HELZ: variants seen among roughly 807,000 people sequenced by gnomAD.
HELZ encodes ATP-dependent RNA helicase with zinc finger domain.
In HELZ, 23 loss-of-function variants were observed where a neutral mutation model predicts 218.2. The observed-to-expected ratio is 0.11, with a 90% CI of 0.08 to 0.15. The LOEUF is 0.15. Ranked by LOEUF, HELZ falls within the 10% of genes least tolerant of loss-of-function variation. The probability of loss-of-function intolerance (pLI) is 1.00; values close to 1 mark genes in which losing one functional copy is unlikely to be tolerated. For missense variants in HELZ, 1,813 were observed against 2,353.7 expected (o/e 0.77, Z 4.75); for synonymous variants, 814 against 829.4 (o/e 0.98, Z 0.32).
rs533380543 is a variant in HELZ, at chr17:67,242,697, T to C, written c.-76+1087A>G. On this transcript the variant is annotated intron_variant, in intron 2 of 32. Coordinates refer to ENST00000358691, the MANE Select transcript of HELZ (RefSeq NM_014877.4). Reference sequence around the variant, plus strand: ...TGCTCTGCCAAAAATAAAAATTATATGAAATAAACATAAGCACTGCTGAGT... The same window carrying C: ...TGCTCTGCCAAAAATAAAAATTATACGAAATAAACATAAGCACTGCTGAGT... 7.6e-4 allele frequency among the ~76,000 whole-genome samples: 115 copies of C among 152,070 alleles called. 2 individuals are homozygous for C. The highest frequency in any genetic ancestry group is 2.6e-3 in the African/African-American group (107 of 41,506).
chr17:67,242,545 CACACATATATGT>C (rs2143529982), intron 2 of HELZ, among the ~76,000 whole-genome samples: 2 of 131,490 alleles, frequency 1.5e-5, no homozygotes, highest in South Asian at 5.1e-4. Flanking sequence ...TGTATATATA[CACACATATATGT>C]ATATATACAC....
chr17:67,086,980 C>T lies in HELZ; in HGVS notation c.5343G>A (p.Leu1781=), dbSNP rs1419122039. Residue 1781 remains leucine (L), a synonymous_variant, in exon 32 of 33, where the codon CTG becomes CTA. Transcript: ENST00000358691. ...GGTCCTGAAGCTCTTTACACTGAGC[C>T]AGACTGTCTTGAGGAGTGCTTACTT... ...SEEVSTPQDS[L]AQCKELQDHS... 2 of 1,613,926 alleles carry T rather than the reference C, an allele frequency of 1.2e-6. No homozygotes were observed. Among genetic ancestry groups the T allele is most frequent in the Non-Finnish European group, 8.5e-7 (1 of 1,179,996 alleles).
chr17:67,204,616 C>T (rs893651643), intron 5 of HELZ, among the ~76,000 whole-genome samples: 2 of 152,018 alleles, frequency 1.3e-5, no homozygotes, highest in Admixed American at 6.6e-5. Context: ...AAAAATAATG[C>T]CATAATAAAA....
chr17:67,245,466 C>T (rs1448258380), upstream of HELZ: 4 of 985,660 alleles, frequency 4.1e-6, no homozygotes, highest in African/African-American at 7.0e-5. Flanking sequence ...GTCCTCTCGC[C>T]TCGCCGCGTT....
intron 17 of HELZ, among the ~76,000 whole-genome samples, chr17:67,151,820 T>C (rs765975594): frequency 4.6e-5 from 7 of 152,166 alleles, no homozygotes; most frequent in Middle Eastern, 3.2e-3. Context: ...AGAAAAATAT[T>C]AATAGGCCTC....
chr17:67,092,324 G>T (rs1049819728), intron 31 of HELZ, among the ~76,000 whole-genome samples: 1 of 152,120 alleles, frequency 6.6e-6, no homozygotes, highest in Non-Finnish European at 1.5e-5. Flanking sequence ...GAAGAAGAAT[G>T]AAATTATAGC....
intron 17 of HELZ, among the ~76,000 whole-genome samples, chr17:67,152,555 T>C (rs1366605838): frequency 6.6e-6 from 1 of 152,004 alleles, no homozygotes; most frequent in Non-Finnish European, 1.5e-5. Flanking sequence ...TGATGGCGTT[T>C]GCAAAGGTGG....
At chr17:67,164,505 C>T (rs1029412192) in intron 15 of HELZ, among the ~76,000 whole-genome samples, 4 of 151,910 alleles carry the variant, frequency 2.6e-5, no homozygotes, top group African/African-American at 9.7e-5. Context: ...TTCTGCAAGA[C>T]GAAAAAGTTC....
intron 7 of HELZ, among the ~76,000 whole-genome samples, chr17:67,197,889 A>C (rs1398200994): frequency 1.3e-5 from 2 of 152,214 alleles, no homozygotes; most frequent in East Asian, 1.9e-4. Flanking sequence ...TTCTTTTTGT[A>C]AAACGAAGGG....
chr17:67,104,956 T>C (rs1598225318), intron 31 of HELZ, among the ~76,000 whole-genome samples: 2 of 152,038 alleles, frequency 1.3e-5, no homozygotes, highest in South Asian at 4.2e-4. Flanking sequence ...CCGTCTCTAC[T>C]AAAAATACAA....
chr17:67,120,366 A>C, intron 27 of HELZ, 39 bp downstream of exon 27: 1 of 1,514,416 alleles, frequency 6.6e-7, no homozygotes, highest in Middle Eastern at 1.7e-4. Flanking sequence ...TTTACCTGTC[A>C]TCAGTTTATG....
At chr17:67,150,097 A>T in intron 18 of HELZ, 112 bp from the exon 19 acceptor site, 2 of 548,924 alleles carry the variant, frequency 3.6e-6, no homozygotes, top group Non-Finnish European at 3.3e-6. Context: ...CTAATCTAAG[A>T]GTATTGAGTA....
chr17:67,159,565 T>G (rs1308111141), intron 17 of HELZ, among the ~76,000 whole-genome samples: 1 of 152,198 alleles, frequency 6.6e-6, no homozygotes, highest in Non-Finnish European at 1.5e-5. Context: ...AAACTAAACA[T>G]TAATTCATAT....
At chr17:67,189,251 A>G (rs1176874858) in intron 11 of HELZ, among the ~76,000 whole-genome samples, 3 of 152,166 alleles carry the variant, frequency 2.0e-5, no homozygotes, top group Non-Finnish European at 4.4e-5. Flanking sequence ...AAAATCTTAG[A>G]ACTACTAGAA....
intron 31 of HELZ, among the ~76,000 whole-genome samples, chr17:67,095,265 G>A (rs943399880): frequency 6.6e-6 from 1 of 152,146 alleles, no homozygotes; most frequent in African/African-American, 2.4e-5. Flanking sequence ...GGGCTCAGTG[G>A]TTCACGCCTG....
chr17:67,165,156 T>C (rs2039104422), intron 15 of HELZ, among the ~76,000 whole-genome samples: 1 of 152,110 alleles, frequency 6.6e-6, no homozygotes, highest in African/African-American at 2.4e-5. Flanking sequence ...ACAGAGTGAA[T>C]AAGAAAGAAT....
rs1186001356 is a variant in HELZ, at chr17:67,070,899, A to G, written c.*7353T>C. ...AGCTTCCCTCAGGAAGACTTCCCAA[A>G]ATAAGACTCAGTATGAATTTGCTAA... On this transcript the variant is annotated 3_prime_UTR_variant, in exon 33 of 33. Transcript: ENST00000358691. 6.6e-6 allele frequency: 1 copy of G among 152,236 alleles called. No homozygotes were observed. The highest frequency in any genetic ancestry group is 1.5e-5 in the Non-Finnish European group (1 of 68,038). The allele number at this position is 152,236 out of a possible 1,614,324, so 9.4% of individuals were successfully genotyped here. A position where few individuals can be genotyped will look rare whatever the true frequency, so the allele number is the denominator to read the frequency against.
At position 67,089,847 on chromosome 17, in the gene HELZ, A is replaced by C. The variant is rs555764213; in HGVS notation, c.5242-2766T>G. Among the ~76,000 whole-genome samples the C allele has an allele frequency of 1.3e-5, 2 of 151,412 alleles. 1 individual carries two copies. Among genetic ancestry groups the C allele is most frequent in the South Asian group, 4.2e-4 (2 of 4,778 alleles). ...TTCCTTGGGCTTTTTCTATACTGACAACCATGTCATCTGTGAATGGAGACA... is the reference window on the plus strand; with the variant it reads ...TTCCTTGGGCTTTTTCTATACTGACCACCATGTCATCTGTGAATGGAGACA... On this transcript the variant is annotated intron_variant, in intron 31 of 32. Transcript: ENST00000358691.
At chr17:67,231,626 G>A (rs1598470628) in intron 3 of HELZ, among the ~76,000 whole-genome samples, 2 of 151,300 alleles carry the variant, frequency 1.3e-5, no homozygotes, top group African/African-American at 4.8e-5. Flanking sequence ...TACCAACAAT[G>A]GTTTCTTACA....
Sources: gnomAD v4.1 joint callset for allele counts (sites outside exome capture counted in the v4.1 genomes callset) on GRCh38, gnomAD v4.1.1 for gene constraint, MANE v1.5 for transcripts, NCBI Gene and HGNC (gene_info 2026-07-23, HGNC 2026-07-21) for gene names.